The following VASN variants were observed in gnomAD, a reference collection of about 807,000 sequenced individuals.
VASN encodes the protein protein slit-like 2.
A neutral mutation model predicts 4.8 loss-of-function variants in VASN; 5 were observed. That is an observed-to-expected ratio of 1.03 (90% CI 0.54 to 2.17). The LOEUF (loss-of-function observed/expected upper bound fraction) is 2.17, where lower values mean the gene tolerates loss of function less well. Ranked by LOEUF, VASN falls within the 30% of genes most tolerant of loss-of-function variation. VASN has a pLI of 0.01. For missense variants in VASN, 927 were observed against 948.8 expected (o/e 0.98, Z 0.30); for synonymous variants, 499 against 460.8 (o/e 1.08, Z -1.06).
intron 1 of VASN, among the ~76,000 whole-genome samples, chr16:4,375,186 G>C (rs2054675988): frequency 6.6e-6 from 1 of 152,176 alleles, no homozygotes; most frequent in African/African-American, 2.4e-5. Context: ...TCCCTGCCCT[G>C]GGCTAACAGG....
intron 1 of VASN, among the ~76,000 whole-genome samples, chr16:4,380,057 C>CAA (rs779747877): frequency 3.3e-5 from 3 of 90,102 alleles, no homozygotes; most frequent in Non-Finnish European, 6.9e-5. Flanking sequence ...GACTCCGTCT[C>CAA]AAAAAAAAAA....
chr16:4,381,683 T>C lies in VASN; in HGVS notation c.806T>C (p.Leu269Pro), dbSNP rs771511568. Reference sequence around the variant, plus strand: ...GCCGGCCTGGCTGCCCTGCAGGAGCTGGATGTGAGCAACCTAAGCCTGCAG... The same window carrying C: ...GCCGGCCTGGCTGCCCTGCAGGAGCCGGATGTGAGCAACCTAAGCCTGCAG... ...DLAGLAALQE[L>P]DVSNLSLQAL... Residue 269 changes from leucine (L) to proline (P), a missense_variant, in exon 2 of 2, where the codon CTG becomes CCG. Leu to Pro is a moderately conservative substitution (Grantham distance 98). Transcript: ENST00000304735. 1 of 1,607,696 alleles carries C rather than the reference T, an allele frequency of 6.2e-7. No homozygotes were observed. Among genetic ancestry groups the C allele is most frequent in the South Asian group, 1.1e-5 (1 of 90,684 alleles).
intron 1 of VASN, among the ~76,000 whole-genome samples, chr16:4,374,255 T>G (rs2054636007): frequency 6.6e-6 from 1 of 152,036 alleles, no homozygotes; most frequent in Non-Finnish European, 1.5e-5. Context: ...CCTCCTTCCT[T>G]TTATCGGTTT....
chr16:4,380,053 G>C (rs1430872844), intron 1 of VASN, among the ~76,000 whole-genome samples: 1 of 144,256 alleles, frequency 6.9e-6, no homozygotes, highest in South Asian at 2.2e-4. Context: ...GCAAGACTCC[G>C]TCTCAAAAAA....
chr16:4,381,330 G>A lies in VASN; in HGVS notation c.453G>A (p.Leu151=). 1 of 1,610,356 alleles carries A rather than the reference G, an allele frequency of 6.2e-7. No individual in the cohort carries two copies. Among genetic ancestry groups the A allele is most frequent in the Non-Finnish European group, 8.5e-7 (1 of 1,178,976 alleles). The change falls in exon 2 of 2, where the codon CTG becomes CTA. Residue 151 remains leucine, a synonymous_variant. Transcript: ENST00000304735. ...PGAFDTLDRL[L]ELKLQDNELR... Reference sequence around the variant, plus strand: ...CCTTCGACACGCTCGACCGCCTCCTGGAGCTCAAGCTGCAGGACAACGAGC... The same window carrying A: ...CCTTCGACACGCTCGACCGCCTCCTAGAGCTCAAGCTGCAGGACAACGAGC...
rs370403139 is a variant in VASN at position 4,381,967 on chromosome 16, G to T, written c.1090G>T (p.Val364Leu). ...TTATVPTTRP[V>L]VREPTALSSS... ...AGCCACAGTGCCCACCACGAGGCCC[G>T]TGGTGCGGGAGCCCACAGCCTTGTC... Residue 364 changes from valine (V) to leucine (L), a missense_variant, in exon 2 of 2, where the codon GTG (valine) becomes TTG (leucine). Val to Leu is a conservative substitution (Grantham distance 32). Coordinates refer to ENST00000304735, the MANE Select transcript of VASN (RefSeq NM_138440.3). 66 of 1,608,192 alleles carry T rather than the reference G, an allele frequency of 4.1e-5. No individual in the cohort carries two copies. Among genetic ancestry groups the T allele is most frequent in the Non-Finnish European group, 5.2e-5 (61 of 1,178,802 alleles).
intron 1 of VASN, among the ~76,000 whole-genome samples, chr16:4,375,002 C>T (rs889301403): frequency 4.6e-5 from 7 of 152,108 alleles, no homozygotes; most frequent in African/African-American, 9.7e-5. Flanking sequence ...TCACACCTGC[C>T]GCGTGCCGAA....
At chr16:4,374,086 C>CGTGTGTGTGT (rs112578905) in intron 1 of VASN, among the ~76,000 whole-genome samples, 1 of 148,702 alleles carries the variant, frequency 6.7e-6, no homozygotes, top group Admixed American at 6.7e-5. Context: ...GGAGGGTGCA[C>CGTGTGTGTGT]GTGTGTGTGT....
chr16:4,382,238 C>G lies in VASN; in HGVS notation c.1361C>G (p.Thr454Arg). 1 of 1,607,186 alleles carries G rather than the reference C, an allele frequency of 6.2e-7. No homozygotes were observed. The highest frequency in any genetic ancestry group is 1.3e-5 in the African/African-American group (1 of 74,980). ...QMGQGTRPSPTPVTPRPPRSL... is the reference protein window; with the variant it reads ...QMGQGTRPSPRPVTPRPPRSL... ...GGGCAGGGGACACGGCCCAGCCCTA[C>G]ACCAGTCACGCCGAGGCCACCACGG... is the stretch of plus-strand genomic sequence containing the variant. Residue 454 changes from threonine (T) to arginine (R), a missense_variant, in exon 2 of 2, where the codon ACA (threonine) becomes AGA (arginine). Transcript: ENST00000304735.
rs201669355 is a variant in VASN at position 4,381,442 on chromosome 16, C to T, written c.565C>T (p.Leu189=). 4 of 1,580,156 alleles carry T rather than the reference C, an allele frequency of 2.5e-6. No homozygotes were observed. The highest frequency in any genetic ancestry group is 2.3e-5 in the East Asian group (1 of 42,774). ...CCTCCTGGCCCTGGAGCCCGGCATC[C>T]TGGACACTGCCAACGTGGAGGCGCT... ...NSLLALEPGI[L]DTANVEALRL... The change falls in exon 2 of 2, where the codon CTG becomes TTG. Residue 189 remains leucine (L), a synonymous_variant. Transcript: ENST00000304735.
At position 4,381,220 on chromosome 16, in the gene VASN, A is replaced by C; in HGVS notation, c.343A>C (p.Ile115Leu). 1 of 1,612,262 alleles carries C rather than the reference A, an allele frequency of 6.2e-7. No individual in the cohort carries two copies. The highest frequency in any genetic ancestry group is 8.5e-7 in the Non-Finnish European group (1 of 1,179,650). The change falls in exon 2 of 2, where the codon ATC (isoleucine) becomes CTC (leucine). Residue 115 changes from isoleucine to leucine, a missense_variant. Coordinates refer to ENST00000304735, the MANE Select transcript of VASN (RefSeq NM_138440.3). Reference protein sequence around the residue: ...LDLTANRLHEITNETFRGLRR... With the variant: ...LDLTANRLHELTNETFRGLRR... ...CCTGACAGCCAACAGGCTGCATGAA[A>C]TCACCAATGAGACCTTCCGTGGCCT... is the stretch of plus-strand genomic sequence containing the variant.
Position 4,381,065 on chromosome 16 carries a change from G to A in VASN, c.188G>A (p.Gly63Asp). 6.2e-7 allele frequency: 1 copy of A among 1,609,976 alleles called. No homozygotes were observed. Among genetic ancestry groups the A allele is most frequent in the Non-Finnish European group, 8.5e-7 (1 of 1,178,876 alleles). The change falls in exon 2 of 2, where the codon GGC becomes GAC. Residue 63 changes from glycine to aspartate, a missense_variant. Gly to Asp is a moderately conservative substitution (Grantham distance 94). Coordinates refer to ENST00000304735, the MANE Select transcript of VASN (RefSeq NM_138440.3). The part of the protein sequence containing the change: ...DTVGLYVFEN[G>D]ITMLDAGSFA... ...GTGGGGCTGTACGTCTTTGAGAACG[G>A]CATCACCATGCTCGACGCAGGCAGC...
At chr16:4,377,418 C>G (rs893330284) in intron 1 of VASN, among the ~76,000 whole-genome samples, 4 of 152,124 alleles carry the variant, frequency 2.6e-5, no homozygotes, top group African/African-American at 9.7e-5. Context: ...CACGCACACA[C>G]CAAGCACACG....
chr16:4,376,922 G>A (rs923911817), intron 1 of VASN, among the ~76,000 whole-genome samples: 5 of 152,182 alleles, frequency 3.3e-5, no homozygotes, highest in African/African-American at 1.2e-4. Context: ...CACGCCCAGG[G>A]GGCAGGCAGA....
intron 1 of VASN, among the ~76,000 whole-genome samples, chr16:4,373,564 C>T (rs917392441): frequency 1.3e-5 from 2 of 152,140 alleles, no homozygotes. Context: ...GAGGAAGGCC[C>T]CTCTGGCACG....
At position 4,382,809 on chromosome 16, in the gene VASN, C is replaced by G. The variant is rs963698851; in HGVS notation, c.1932C>G (p.Ala644=). The part of the protein sequence containing the change: ...GPKATEGGGE[A]LPSGSECEVP... The stretch of plus-strand genomic sequence containing the variant: ...AGGCAACAGAGGGCGGTGGAGAGGC[C>G]CTGCCCAGCGGGTCTGAGTGTGAGG... The change falls in exon 2 of 2, where the codon GCC becomes GCG. Residue 644 remains alanine (A), a synonymous_variant. Coordinates refer to ENST00000304735, the MANE Select transcript of VASN (RefSeq NM_138440.3). The G allele has an allele frequency of 6.3e-7, 1 of 1,594,248 alleles. No homozygotes were observed. The highest frequency in any genetic ancestry group is 8.5e-7 in the Non-Finnish European group (1 of 1,171,484).
In VASN at chr16:4,382,735, G is replaced by T. The variant is rs950197564; in HGVS notation, c.1858G>T (p.Gly620Trp). 6 of 1,554,384 alleles carry T rather than the reference G, an allele frequency of 3.9e-6. No homozygotes were observed. In the African/African-American group the frequency reaches 8.2e-5, roughly 21 times the overall value. Residue 620 changes from glycine to tryptophan, a missense_variant, in exon 2 of 2, where the codon GGG (glycine) becomes TGG (tryptophan). Gly to Trp is a radical substitution (Grantham distance 184). Coordinates refer to ENST00000304735, the MANE Select transcript of VASN (RefSeq NM_138440.3). ...CAAAGGGCAGGTGGGGCCAGGGGCTGGGCCCCTGGAACTGGAGGGAGTGAA... is the reference window on the plus strand; with the variant it reads ...CAAAGGGCAGGTGGGGCCAGGGGCTTGGCCCCTGGAACTGGAGGGAGTGAA... ...QDKGQVGPGA[G>W]PLELEGVKVP... is the part of the protein sequence containing the mutation.
intron 1 of VASN, among the ~76,000 whole-genome samples, chr16:4,376,304 A>G (rs1389787967): frequency 1.3e-5 from 2 of 152,220 alleles, no homozygotes; most frequent in Non-Finnish European, 2.9e-5. Context: ...CCGCCGGCAC[A>G]GTCCCGCCTG....
intron 1 of VASN, among the ~76,000 whole-genome samples, chr16:4,380,250 C>T (rs897181834): frequency 6.6e-6 from 1 of 152,214 alleles, no homozygotes; most frequent in African/African-American, 2.4e-5. Context: ...GGCCTCTGCC[C>T]CTCCTCCAGG....
Sources: gnomAD v4.1 joint callset for allele counts (sites outside exome capture counted in the v4.1 genomes callset) on GRCh38, gnomAD v4.1.1 for gene constraint, MANE v1.5 for transcripts, NCBI Gene and HGNC (gene_info 2026-07-23, HGNC 2026-07-21) for gene names.